The following CTNNA2 variants were observed in gnomAD, a reference collection of about 807,000 sequenced individuals.
CTNNA2 encodes catenin alpha 2.
CTNNA2 carries 42 observed loss-of-function variants against 101.0 expected under a neutral mutation model. The observed-to-expected ratio is 0.42, with a 90% CI of 0.32 to 0.54. The LOEUF (loss-of-function observed/expected upper bound fraction) is 0.54, where lower values mean the gene tolerates loss of function less well. CTNNA2 is among the 20% of genes least tolerant of loss of function. The pLI is 0.14. For synonymous variants in CTNNA2, 450 were observed against 456.4 expected (o/e 0.99, Z 0.18); for missense variants, 871 against 1,223.1 (o/e 0.71, Z 4.29).
chr2:79,345,908 C>G (rs1038957740), intron 3 of CTNNA2, among the ~76,000 whole-genome samples: 1 of 150,516 alleles, frequency 6.6e-6, no homozygotes, highest in Non-Finnish European at 1.5e-5. Context: ...CCATTTTGCC[C>G]AGGCTGGTCT....
intron 4 of CTNNA2, among the ~76,000 whole-genome samples, chr2:79,439,059 A>G (rs985950865): frequency 2.6e-5 from 4 of 152,204 alleles, no homozygotes; most frequent in African/African-American, 9.6e-5. Flanking sequence ...CCCAGTGAAC[A>G]TGTTCCTAGC....
intron 1 of CTNNA2, among the ~76,000 whole-genome samples, chr2:79,513,995 T>C (rs1307448953): frequency 6.6e-6 from 1 of 152,158 alleles, no homozygotes; most frequent in Non-Finnish European, 1.5e-5. Context: ...CCCCTAGGCC[T>C]CTTTGGTTTG....
chr2:79,571,775 C>T (rs1312021641), intron 1 of CTNNA2, among the ~76,000 whole-genome samples: 1 of 152,146 alleles, frequency 6.6e-6, no homozygotes, highest in Non-Finnish European at 1.5e-5. Flanking sequence ...TTTACTTGGC[C>T]TTAGTTGATC....
rs557830498 is a variant in CTNNA2 at position 79,443,761 on chromosome 2, T to C, written c.-134-61293T>C. ...ATGCTGTGGTAGGCAGTTTCTGACCTGGCTCTAATGACTCCCACATCCTGA... is the reference window on the plus strand; with the variant it reads ...ATGCTGTGGTAGGCAGTTTCTGACCCGGCTCTAATGACTCCCACATCCTGA... On this transcript the variant is annotated intron_variant, in intron 4 of 21. Transcript: ENST00000466387. Among the ~76,000 whole-genome samples the C allele has an allele frequency of 2.3e-4, 35 of 152,266 alleles. 1 individual carries two copies. Among genetic ancestry groups the C allele is most frequent in the African/African-American group, 7.9e-4 (33 of 41,558 alleles).
intron 9 of CTNNA2, among the ~76,000 whole-genome samples, chr2:80,443,341 C>A (rs1682758974): frequency 1.3e-5 from 2 of 152,200 alleles, no homozygotes; most frequent in Admixed American, 1.3e-4. Flanking sequence ...CAAGGAAATC[C>A]ATTTTTCAGG....
intron 15 of CTNNA2, among the ~76,000 whole-genome samples, chr2:80,596,276 G>C (rs551075487): frequency 1.9e-5 from 1 of 52,238 alleles, no homozygotes; most frequent in Non-Finnish European, 4.1e-5. Context: ...CTGAGACAAG[G>C]TTGTTTTTTT....
chr2:79,313,923 G>A (rs1231017494), intron 3 of CTNNA2, among the ~76,000 whole-genome samples: 1 of 152,168 alleles, frequency 6.6e-6, no homozygotes, highest in African/African-American at 2.4e-5. Context: ...AAGACCCGGT[G>A]TGAGAACCAA....
At chr2:80,185,132 C>T (rs1706036462) in intron 7 of CTNNA2, among the ~76,000 whole-genome samples, 1 of 152,188 alleles carries the variant, frequency 6.6e-6, no homozygotes, top group East Asian at 1.9e-4. Context: ...GCTGGGGCTA[C>T]AGGAATCTTA....
intron 2 of CTNNA2, among the ~76,000 whole-genome samples, chr2:79,230,338 A>G (rs1296416525): frequency 2.0e-5 from 3 of 152,174 alleles, no homozygotes; most frequent in African/African-American, 7.2e-5. Context: ...CACTCCAGCC[A>G]TGGCTAAAAA....
At chr2:79,592,248 G>A (rs759856098) in intron 1 of CTNNA2, among the ~76,000 whole-genome samples, 1 of 151,564 alleles carries the variant, frequency 6.6e-6, no homozygotes, top group African/African-American at 2.4e-5. Context: ...AGCCTCCCGA[G>A]TAGCTGGGAT....
chr2:79,994,529 C>T (rs948353204), intron 7 of CTNNA2, among the ~76,000 whole-genome samples: 3 of 151,916 alleles, frequency 2.0e-5, no homozygotes, highest in Non-Finnish European at 4.4e-5. Flanking sequence ...TCATTGGATC[C>T]CCAACATGGT....
intron 7 of CTNNA2, among the ~76,000 whole-genome samples, chr2:80,001,079 T>G (rs916497338): frequency 6.6e-6 from 1 of 152,248 alleles, no homozygotes; most frequent in Non-Finnish European, 1.5e-5. Flanking sequence ...GTTCCTTGTT[T>G]TGATTTGACT....
intron 3 of CTNNA2, among the ~76,000 whole-genome samples, chr2:79,341,753 CATA>C (rs1336995583): frequency 6.6e-6 from 1 of 152,178 alleles, no homozygotes; most frequent in East Asian, 1.9e-4. Flanking sequence ...GTTTCTCTCC[CATA>C]ATAACCCATT....
At chr2:80,351,531 GA>G (rs1166407005) in intron 7 of CTNNA2, among the ~76,000 whole-genome samples, 1 of 152,102 alleles carries the variant, frequency 6.6e-6, no homozygotes, top group Non-Finnish European at 1.5e-5. Flanking sequence ...CCCGATTGGT[GA>G]ATTATATTTT....
At chr2:79,204,309 T>C (rs10193442) in intron 2 of CTNNA2, among the ~76,000 whole-genome samples, 140 of 152,326 alleles carry the variant, frequency 9.2e-4, no homozygotes, top group African/African-American at 3.0e-3. Context: ...ATCGGACACC[T>C]ATTTCTTTTG....
Position 79,793,888 on chromosome 2 carries a change from G to GCACACACACACA in CTNNA2, c.298+49327_298+49338dup, listed in dbSNP as rs71385299. 8.9e-3 allele frequency among the ~76,000 whole-genome samples: 1,274 copies of GCACACACACACA among 142,706 alleles called. 21 individuals are homozygous for GCACACACACACA. The highest frequency in any genetic ancestry group is 0.029 in the African/African-American group (1,107 of 38,462). The allele number at this position is 142,706 out of a possible 152,430, so 93.6% of individuals were successfully genotyped here. A position where few individuals can be genotyped will look rare whatever the true frequency, so the allele number is the denominator to read the frequency against. On this transcript the variant is annotated intron_variant, in intron 3 of 18. Coordinates refer to ENST00000402739, the MANE Select transcript of CTNNA2 (RefSeq NM_001282597.3). Reference sequence around the variant, plus strand: ...CAATACCACACACACACACACTCATGCACACACACACACACACACACACAC... The same window carrying GCACACACACACA: ...CAATACCACACACACACACACTCATGCACACACACACACACACACACACACACACACACACAC...
intron 3 of CTNNA2, among the ~76,000 whole-genome samples, chr2:79,315,153 T>A (rs549000748): frequency 6.6e-6 from 1 of 152,288 alleles, no homozygotes; most frequent in African/African-American, 2.4e-5. Flanking sequence ...TCAATGGTGA[T>A]TATGATTTTT....
At chr2:79,725,339 A>G (rs1220225794) in intron 2 of CTNNA2, among the ~76,000 whole-genome samples, 1 of 152,236 alleles carries the variant, frequency 6.6e-6, no homozygotes, top group Non-Finnish European at 1.5e-5. Context: ...GCAAGAATTC[A>G]TTGAATGTTA....
At chr2:80,127,097 C>G (rs1702176669) in intron 7 of CTNNA2, among the ~76,000 whole-genome samples, 1 of 152,164 alleles carries the variant, frequency 6.6e-6, no homozygotes, top group African/African-American at 2.4e-5. Context: ...CATTCTTTGA[C>G]AAGGCTGACC....
Sources: allele counts gnomAD v4.1 joint callset (sites outside exome capture counted in the v4.1 genomes callset), GRCh38; gene constraint gnomAD v4.1.1; transcripts MANE v1.5; gene names NCBI Gene and HGNC (gene_info 2026-07-23, HGNC 2026-07-21).